Variants in PRDM5 observed in about 807,000 individuals in gnomAD.
PRDM5 encodes PR/SET domain 5.
PRDM5 carries 56 observed loss-of-function variants against 81.2 expected under a neutral mutation model. The observed-to-expected ratio is 0.69, with a 90% CI of 0.56 to 0.86. The LOEUF is 0.86. Ranked by LOEUF, PRDM5 falls within the 40% of genes least tolerant of loss-of-function variation. The pLI, the probability that PRDM5 is intolerant of heterozygous loss-of-function variation, is 0.00. For missense variants in PRDM5, 697 were observed against 770.1 expected (o/e 0.91, Z 1.12); for synonymous variants, 267 against 256.4 (o/e 1.04, Z -0.39).
At chr4:120,866,749 C>T (rs904550351) in intron 2 of PRDM5, among the ~76,000 whole-genome samples, 3 of 152,162 alleles carry the variant, frequency 2.0e-5, no homozygotes, top group Non-Finnish European at 4.4e-5. Context: ...AGTTTGCCAA[C>T]TGGTAAGCAG....
At chr4:120,754,370 T>C (rs1239580605) in intron 14 of PRDM5, among the ~76,000 whole-genome samples, 183 bp downstream of exon 14, 1 of 152,166 alleles carries the variant, frequency 6.6e-6, no homozygotes, top group African/African-American at 2.4e-5. Context: ...AATTTGTGTT[T>C]TTTTTCTTCT....
At chr4:120,717,184 T>C (rs527288007) in intron 14 of PRDM5, among the ~76,000 whole-genome samples, 3 of 152,342 alleles carry the variant, frequency 2.0e-5, no homozygotes, top group African/African-American at 7.2e-5. Context: ...GGTTCTTGAT[T>C]AATTCTGTTT....
Position 120,811,464 on chromosome 4 carries a change from A to G in PRDM5, c.866-15T>C, listed in dbSNP as rs184774236. ...CTTAGGATCTCCTAAAATAGAAATAAAATACCATGATGATTTAAATGAGAC... is the reference window on the plus strand; with the variant it reads ...CTTAGGATCTCCTAAAATAGAAATAGAATACCATGATGATTTAAATGAGAC... On this transcript the variant is annotated splice_polypyrimidine_tract_variant and intron_variant, in intron 7 of 15. Coordinates refer to ENST00000264808, the MANE Select transcript of PRDM5 (RefSeq NM_018699.4). The G allele has an allele frequency of 1.6e-5, 24 of 1,481,258 alleles. No homozygotes were observed. In the East Asian group the frequency reaches 5.5e-4, roughly 34 times the overall value. 91.8% of individuals were successfully genotyped at this position (1,481,258 alleles called of 1,614,324 possible).
rs1268730939 is a variant in PRDM5, at chr4:120,692,781, C to T, written c.*2330G>A. On this transcript the variant is annotated 3_prime_UTR_variant, in exon 16 of 16. Coordinates refer to ENST00000264808, the MANE Select transcript of PRDM5 (RefSeq NM_018699.4). ...AACAGAAGACATTTCAAAGTAGGTA[C>T]CTGTACTTCAGCTTGTCTGTAAGAC... 1.3e-5 allele frequency: 2 copies of T among 152,044 alleles called. No individual in the cohort carries two copies. Among genetic ancestry groups the T allele is most frequent in the African/African-American group, 4.8e-5 (2 of 41,432 alleles). 9.4% of individuals were successfully genotyped at this position (152,044 alleles called of 1,614,324 possible). A position where few individuals can be genotyped will look rare whatever the true frequency, so the allele number is the denominator to read the frequency against.
intron 3 of PRDM5, among the ~76,000 whole-genome samples, chr4:120,833,955 C>A (rs972846282): frequency 6.6e-6 from 1 of 152,004 alleles, no homozygotes; most frequent in Non-Finnish European, 1.5e-5. Flanking sequence ...GGAATGGGCT[C>A]ATTAAAGTAG....
chr4:120,816,987 T>G (rs1168067808), intron 5 of PRDM5, 63 bp from the exon 6 acceptor site: 2 of 1,258,674 alleles, frequency 1.6e-6, no homozygotes, highest in Non-Finnish European at 2.3e-6. Flanking sequence ...AAGACAAAAA[T>G]GAAACTACAC....
At chr4:120,778,086 C>T (rs1748448591) in intron 12 of PRDM5, among the ~76,000 whole-genome samples, 2 of 152,210 alleles carry the variant, frequency 1.3e-5, no homozygotes, top group South Asian at 4.1e-4. Context: ...CAGTGTTTCT[C>T]AAACTTAAGA....
At chr4:120,689,686 T>C (rs1033249755), downstream of PRDM5, among the ~76,000 whole-genome samples, 2 of 151,780 alleles carry the variant, frequency 1.3e-5, no homozygotes, top group African/African-American at 4.8e-5. Context: ...GGCTCACTGC[T>C]ACTTCCGCCT....
intron 15 of PRDM5, among the ~76,000 whole-genome samples, chr4:120,696,137 C>T (rs1045307324): frequency 3.3e-5 from 5 of 151,996 alleles, no homozygotes; most frequent in African/African-American, 1.2e-4. Context: ...CTCAGAAAGG[C>T]TCAGGGCCCT....
intron 3 of PRDM5, among the ~76,000 whole-genome samples, chr4:120,847,273 T>C (rs1246681998): frequency 6.6e-6 from 1 of 152,120 alleles, no homozygotes; most frequent in African/African-American, 2.4e-5. Flanking sequence ...TGGAACGTTA[T>C]TTCCAAGATT....
intron 10 of PRDM5, among the ~76,000 whole-genome samples, chr4:120,790,569 G>A (rs1360637164): frequency 1.3e-5 from 2 of 152,018 alleles, no homozygotes; most frequent in Non-Finnish European, 2.9e-5. Flanking sequence ...CATCTATACA[G>A]AAATACGTAA....
chr4:120,917,268 C>T (rs957430778), intron 1 of PRDM5, among the ~76,000 whole-genome samples: 14 of 152,014 alleles, frequency 9.2e-5, no homozygotes, highest in Non-Finnish European at 8.8e-5. Context: ...ATGCTCTTCC[C>T]GTAGATATAT....
Position 120,723,923 on chromosome 4 carries a change from A to ATTTTTTTTTTTT in PRDM5, c.1624-13522_1624-13511dup, listed in dbSNP as rs70948360. On this transcript the variant is annotated intron_variant, in intron 14 of 15. Coordinates refer to ENST00000264808, the MANE Select transcript of PRDM5 (RefSeq NM_018699.4). ...GTCTTACAAATTTAAGATAGCTTGAATTTTTTTTTTTTTTTTTTTTTTTTT... is the reference window on the plus strand; with the variant it reads ...GTCTTACAAATTTAAGATAGCTTGAATTTTTTTTTTTTTTTTTTTTTTTTTTTTTTTTTTTTT... Among the ~76,000 whole-genome samples the ATTTTTTTTTTTT allele has an allele frequency of 2.2e-4, 18 of 81,252 alleles. 2 individuals carry two copies. Among genetic ancestry groups the ATTTTTTTTTTTT allele is most frequent in the African/African-American group, 7.8e-4 (15 of 19,300 alleles). 53.3% of individuals were successfully genotyped at this position (81,252 alleles called of 152,430 possible).
intron 10 of PRDM5, among the ~76,000 whole-genome samples, chr4:120,788,118 C>T (rs953595070): frequency 7.9e-5 from 12 of 152,186 alleles, no homozygotes; most frequent in African/African-American, 2.6e-4. Context: ...CCTTGACTAA[C>T]CAATTCCCTT....
intron 8 of PRDM5, among the ~76,000 whole-genome samples, 165 bp from the exon 9 acceptor site, chr4:120,799,910 G>A (rs1472172820): frequency 3.3e-5 from 5 of 152,126 alleles, no homozygotes; most frequent in Non-Finnish European, 7.4e-5. Context: ...CACTGAAAAT[G>A]CAGTGGACAT....
rs369327737 is a variant in PRDM5, at chr4:120,799,761, T to C, written c.946-16A>G. On this transcript the variant is annotated splice_polypyrimidine_tract_variant and intron_variant, in intron 8 of 15. Transcript: ENST00000264808. The stretch of plus-strand genomic sequence containing the variant: ...TCTCATGAATCTGCAAAAGGTTAAA[T>C]AGACAGTTAAATCAACTGTCAAAGC... 38 of 1,609,674 alleles carry C rather than the reference T, an allele frequency of 2.4e-5. No homozygotes were observed. The highest frequency in any genetic ancestry group is 2.6e-5 in the Non-Finnish European group (31 of 1,177,728).
chr4:120,859,388 A>C, intron 2 of PRDM5, among the ~76,000 whole-genome samples: 1 of 117,778 alleles, frequency 8.5e-6, no homozygotes, highest in Admixed American at 8.3e-5. Context: ...CCCGGCTAAT[A>C]ATTTTATTTT....
chr4:120,853,289 T>C, intron 3 of PRDM5, 129 bp downstream of exon 3: 1 of 1,396,114 alleles, frequency 7.2e-7, no homozygotes, highest in Non-Finnish European at 1.0e-6. Context: ...ATGAGATTTC[T>C]CTGCTTTTAT....
chr4:120,690,692 C>CGTA (rs1307498144), downstream of PRDM5, among the ~76,000 whole-genome samples: 1,879 of 152,100 alleles, frequency 0.012, 36 homozygotes, highest in African/African-American at 0.043. Context: ...TGAGCTGGGA[C>CGTA]TCTCTTCATT....
Sources: allele counts gnomAD v4.1 joint callset (sites outside exome capture counted in the v4.1 genomes callset), GRCh38; gene constraint gnomAD v4.1.1; transcripts MANE v1.5; gene names NCBI Gene and HGNC (gene_info 2026-07-23, HGNC 2026-07-21).